Variants in GABRB2 observed in about 807,000 individuals in gnomAD.
The protein encoded by GABRB2 is gamma-aminobutyric acid receptor subunit beta-2.
In GABRB2, 16 loss-of-function variants were observed where a neutral mutation model predicts 54.7. That is an observed-to-expected ratio of 0.29 (90% CI 0.20 to 0.44). The LOEUF (loss-of-function observed/expected upper bound fraction) is 0.44, where lower values mean the gene tolerates loss of function less well. Ranked by LOEUF, GABRB2 falls within the 20% of genes least tolerant of loss-of-function variation. The pLI is 1.00. For synonymous variants in GABRB2, 244 were observed against 233.8 expected (o/e 1.04, Z -0.40); for missense variants, 355 against 644.0 (o/e 0.55, Z 4.86).
At chr5:161,339,373 A>G (rs1754086258) in intron 5 of GABRB2, among the ~76,000 whole-genome samples, 1 of 152,108 alleles carries the variant, frequency 6.6e-6, no homozygotes, top group Non-Finnish European at 1.5e-5. Context: ...ACTAGACACC[A>G]ACCCTTTCTA....
chr5:161,309,731 T>C (rs1056066507), intron 9 of GABRB2, among the ~76,000 whole-genome samples: 1 of 151,418 alleles, frequency 6.6e-6, no homozygotes, highest in East Asian at 1.9e-4. Flanking sequence ...CCCAGGTTCA[T>C]GCCATTCTCC....
intron 5 of GABRB2, among the ~76,000 whole-genome samples, chr5:161,371,293 A>G (rs1372143277): frequency 6.6e-6 from 1 of 152,226 alleles, no homozygotes; most frequent in Non-Finnish European, 1.5e-5. Context: ...GTTTAAATAT[A>G]TATTTAAGCC....
chr5:161,456,909 A>G (rs1364863367), intron 4 of GABRB2, among the ~76,000 whole-genome samples: 1 of 152,202 alleles, frequency 6.6e-6, no homozygotes, highest in Non-Finnish European at 1.5e-5. Flanking sequence ...ATCAACTGTA[A>G]CAATAGAATA....
intron 4 of GABRB2, among the ~76,000 whole-genome samples, chr5:161,431,478 A>G (rs1055830203): frequency 4.6e-5 from 7 of 152,202 alleles, no homozygotes; most frequent in Non-Finnish European, 8.8e-5. Flanking sequence ...TATACAACTT[A>G]TAACAGGTCA....
At position 161,402,095 on chromosome 5, in the gene GABRB2, A is replaced by G. The variant is rs538602033; in HGVS notation, c.541+8880T>C. On this transcript the variant is annotated intron_variant, in intron 5 of 9. Transcript: ENST00000393959. ...TAAAAATTTGTTTATATACAAATAT[A>G]TATACATTCATACATATAAAATCAT... is the stretch of plus-strand genomic sequence containing the variant. Among the ~76,000 whole-genome samples the G allele has an allele frequency of 4.3e-4, 65 of 151,714 alleles. 1 individual carries two copies. In the South Asian group the frequency reaches 0.013, roughly 31 times the overall value.
intron 4 of GABRB2, chr5:161,459,303 C>T: frequency 3.1e-6 from 1 of 319,298 alleles, no homozygotes; most frequent in African/African-American, 2.1e-5. Flanking sequence ...AATTAGTTGG[C>T]ATTCACAATG....
intron 5 of GABRB2, among the ~76,000 whole-genome samples, chr5:161,380,424 CT>C (rs1755430003): frequency 6.6e-6 from 1 of 152,114 alleles, no homozygotes. Flanking sequence ...TTTTCTTTCT[CT>C]TTCTTAATGA....
intron 2 of GABRB2, 22 bp from the exon 3 acceptor site, chr5:161,545,316 C>T (rs772245117): frequency 1.3e-6 from 2 of 1,576,444 alleles, no homozygotes; most frequent in East Asian, 4.6e-5. Context: ...GACGGCCAGC[C>T]ACGTGATTTC....
intron 3 of GABRB2, among the ~76,000 whole-genome samples, chr5:161,513,424 A>G (rs946133396): frequency 4.6e-5 from 7 of 152,132 alleles, no homozygotes; most frequent in African/African-American, 1.7e-4. Flanking sequence ...TGTGGTATAT[A>G]TATACAATGG....
chr5:161,446,477 G>C (rs1009867670), intron 4 of GABRB2, among the ~76,000 whole-genome samples: 1 of 151,948 alleles, frequency 6.6e-6, no homozygotes, highest in African/African-American at 2.4e-5. Flanking sequence ...GTCCCTGTCT[G>C]CTCTGCCACT....
chr5:161,302,836 T>C (rs536106323), intron 9 of GABRB2, among the ~76,000 whole-genome samples: 42 of 152,314 alleles, frequency 2.8e-4, no homozygotes, highest in Admixed American at 2.5e-3. Flanking sequence ...TCAATCAGAA[T>C]ATGAAATGCA....
intron 3 of GABRB2, among the ~76,000 whole-genome samples, chr5:161,509,485 T>C (rs573204143): frequency 1.3e-5 from 2 of 152,076 alleles, no homozygotes; most frequent in East Asian, 3.9e-4. Context: ...GAAAAGTCTT[T>C]TCTGACATCC....
intron 9 of GABRB2, among the ~76,000 whole-genome samples, chr5:161,316,225 C>T (rs1758024011): frequency 6.6e-6 from 1 of 152,144 alleles, no homozygotes; most frequent in Non-Finnish European, 1.5e-5. Context: ...TATGGCTCCT[C>T]AGAGTTGAGA....
At chr5:161,361,326 A>G (rs1024580719) in intron 5 of GABRB2, among the ~76,000 whole-genome samples, 14 of 152,242 alleles carry the variant, frequency 9.2e-5, no homozygotes, top group African/African-American at 3.4e-4. Flanking sequence ...ATTATTTTAA[A>G]TTGTTAAGTG....
At chr5:161,459,465 T>C (rs955166529) in intron 4 of GABRB2, 159 bp downstream of exon 4, 9 of 649,360 alleles carry the variant, frequency 1.4e-5, no homozygotes, top group Non-Finnish European at 2.5e-5. Context: ...TTTGTAAGCA[T>C]GCTACCTTAA....
chr5:161,503,253 G>T (rs966125132), intron 3 of GABRB2, among the ~76,000 whole-genome samples: 16 of 151,796 alleles, frequency 1.1e-4, no homozygotes, highest in African/African-American at 3.9e-4. Flanking sequence ...GGAAATCTCA[G>T]CAGAGATATA....
chr5:161,398,845 A>G (rs1357139650), intron 5 of GABRB2, among the ~76,000 whole-genome samples: 1 of 152,088 alleles, frequency 6.6e-6, no homozygotes. Context: ...GCGTGCCACC[A>G]TGTCCAGCTA....
At chr5:161,356,768 G>C (rs917600189) in intron 5 of GABRB2, among the ~76,000 whole-genome samples, 2 of 152,138 alleles carry the variant, frequency 1.3e-5, no homozygotes, top group African/African-American at 4.8e-5. Flanking sequence ...GAAACACAGA[G>C]AGGCACTCTT....
At position 161,289,445 on chromosome 5, in the gene GABRB2, A is replaced by C. The variant is rs1757177978; in HGVS notation, c.*4636T>G. ...ATTCTGGAGTCTTTGGTTGAAAGGA[A>C]CAATACTACCTAAGGACAAAATACT... On this transcript the variant is annotated 3_prime_UTR_variant, in exon 10 of 10. Transcript: ENST00000393959. 1.3e-5 allele frequency: 2 copies of C among 151,554 alleles called. No homozygotes were observed. Among genetic ancestry groups the C allele is most frequent in the African/African-American group, 4.9e-5 (2 of 41,064 alleles). The allele number at this position is 151,554 out of a possible 1,614,324, so 9.4% of individuals were successfully genotyped here. A position where few individuals can be genotyped will look rare whatever the true frequency, so the allele number is the denominator to read the frequency against.
Sources: gnomAD v4.1 joint callset for allele counts (sites outside exome capture counted in the v4.1 genomes callset) on GRCh38, gnomAD v4.1.1 for gene constraint, MANE v1.5 for transcripts, NCBI Gene and HGNC (gene_info 2026-07-23, HGNC 2026-07-21) for gene names.